Variants in PKD1L1 observed in about 807,000 individuals in gnomAD.
PKD1L1 encodes polycystin-1-like protein 1.
In PKD1L1, 236 loss-of-function variants were observed where a neutral mutation model predicts 323.4. The ratio of observed to expected loss-of-function variants is 0.73; its 90% confidence interval spans 0.66 to 0.81. The LOEUF is 0.81. Among genes scored for constraint, PKD1L1 ranks in the 40% least tolerant of loss-of-function variants. The pLI is 0.00. For synonymous variants in PKD1L1, 1,344 were observed against 1,335.0 expected (o/e 1.01, Z -0.15); for missense variants, 3,320 against 3,508.0 (o/e 0.95, Z 1.35).
chr7:47,839,592 AGCCTGGGGAAGGCCCAC>A lies in PKD1L1; in HGVS notation c.5606_5622del (p.Arg1869LeufsTer31). On this transcript the variant is annotated frameshift_variant, in exon 36 of 57. Transcript: ENST00000289672. LOFTEE classifies it high-confidence loss of function. This position sits in a 1 kb window ranked among gnomAD's most constrained non-coding sequence, Gnocchi z 4.3. ...TTCACCATCACGTGGCTGATGAACC[AGCCTGGGGAAGGCCCAC>A]GGCTGTCGTGCCAGAGGCGGATCTT... 1 of 1,599,440 alleles carries A rather than the reference AGCCTGGGGAAGGCCCAC, an allele frequency of 6.3e-7. No homozygotes were observed. The highest frequency in any genetic ancestry group is 2.3e-5 in the East Asian group (1 of 44,384).
chr7:47,860,619 T>C (rs973476439), intron 26 of PKD1L1, among the ~76,000 whole-genome samples: 1 of 152,188 alleles, frequency 6.6e-6, no homozygotes, highest in African/African-American at 2.4e-5. Context: ...ACCATGGATA[T>C]TAGGACTTAA....
chr7:47,959,182 C>G, the PKD1L1 span, among the ~76,000 whole-genome samples: 3 of 152,012 alleles, frequency 2.0e-5, no homozygotes, highest in African/African-American at 7.2e-5. Context: ...CAACCTCCAC[C>G]TCCCAGCCGC....
At chr7:47,959,760 C>G in the PKD1L1 span, among the ~76,000 whole-genome samples, 11 of 148,722 alleles carry the variant, frequency 7.4e-5, 1 homozygote, top group Non-Finnish European at 1.5e-4. Context: ...GGGTCAGCCC[C>G]CCGCCCGGCC....
intron 56 of PKD1L1, among the ~76,000 whole-genome samples, chr7:47,788,561 T>TTATATATATA (rs143159052): frequency 1.2e-3 from 162 of 133,174 alleles, no homozygotes; most frequent in Middle Eastern, 3.8e-3. Context: ...CCCAGCCCAG[T>TTATATATATA]TATATATATA....
Position 47,840,502 on chromosome 7 carries a change from C to A in PKD1L1, c.5511G>T (p.Lys1837Asn), listed in dbSNP as rs184211053. The change falls in exon 35 of 57, where the codon AAG becomes AAT. Residue 1837 changes from lysine to asparagine, a missense_variant. Physicochemically the swap from Lys to Asn is moderately conservative, Grantham distance 94 (BLOSUM62 0). Transcript: ENST00000289672. The surrounding 1 kb of genome is among the most constrained non-coding windows in gnomAD (Gnocchi z 4.1). ...SETKELSCPE[K>N]PLFERNSRHT... ...GTCTGGAATTCCTTTCAAACAGGGG[C>A]TTCTCTGGACAGGAGAGCTCCTTGG... 4 of 1,614,130 alleles carry A rather than the reference C, an allele frequency of 2.5e-6. No individual in the cohort carries two copies. In the Admixed American group the frequency reaches 5.0e-5, roughly 20 times the overall value.
rs576493557 is a variant in PKD1L1, at chr7:47,806,014, G to C, written c.7827+2233C>G. On this transcript the variant is annotated intron_variant, in intron 52 of 56. Transcript: ENST00000289672. Reference sequence around the variant, plus strand: ...TAGAAAGGATCCCCAGGGAAGAGGGGCTCTCCCCAGGTAAGTTTTTCTGGC... The same window carrying C: ...TAGAAAGGATCCCCAGGGAAGAGGGCCTCTCCCCAGGTAAGTTTTTCTGGC... 2.0e-5 allele frequency among the ~76,000 whole-genome samples: 3 copies of C among 152,304 alleles called. 1 individual carries two copies. The South Asian group carries it at 6.2e-4, about 32-fold the overall frequency.
chr7:47,907,684 C>T (rs989591660), intron 9 of PKD1L1, among the ~76,000 whole-genome samples: 1 of 152,194 alleles, frequency 6.6e-6, no homozygotes, highest in Non-Finnish European at 1.5e-5. Flanking sequence ...CCAGCCCGTG[C>T]TGCAAGGCTC....
At chr7:47,893,833 C>A in intron 15 of PKD1L1, 45 bp downstream of exon 15, 1 of 1,575,596 alleles carries the variant, frequency 6.3e-7, no homozygotes, top group Non-Finnish European at 8.6e-7. Flanking sequence ...TTGCAGAATG[C>A]GCGGTCTGAG....
chr7:47,925,570 A>T (rs1787641280), intron 7 of PKD1L1, among the ~76,000 whole-genome samples: 1 of 152,188 alleles, frequency 6.6e-6, no homozygotes, highest in Admixed American at 6.5e-5. Flanking sequence ...AGGGCATTCC[A>T]AAGTTAACCT....
chr7:47,904,394 T>G lies in PKD1L1; in HGVS notation c.1915A>C (p.Ser639Arg). ...GTGGCTCACCTACTGTAGACATGGC[T>G]GCTGGAGCTGCTCCCCAGGCTGACG... ...GTVSLGSSSSSHVYSREGEFT... is the reference protein window; with the variant it reads ...GTVSLGSSSSRHVYSREGEFT... Residue 639 changes from serine (S) to arginine (R), a missense_variant, in exon 12 of 57, where the codon AGC becomes CGC. Coordinates refer to ENST00000289672, the MANE Select transcript of PKD1L1 (RefSeq NM_138295.5). 6.2e-7 allele frequency: 1 copy of G among 1,614,072 alleles called. No homozygotes were observed. Among genetic ancestry groups the G allele is most frequent in the East Asian group, 2.2e-5 (1 of 44,880 alleles).
intron 8 of PKD1L1, among the ~76,000 whole-genome samples, chr7:47,911,619 CAG>C (rs1169354611): frequency 6.6e-6 from 1 of 152,096 alleles, no homozygotes; most frequent in Admixed American, 6.5e-5. Flanking sequence ...AAAAGGAAAA[CAG>C]TGAATAAAAA....
Position 47,886,871 on chromosome 7 carries a change from G to GT in PKD1L1, c.2837-818dup, listed in dbSNP as rs550594877. Among the ~76,000 whole-genome samples the GT allele has an allele frequency of 1.0e-3, 156 of 152,152 alleles. 1 individual carries two copies. The highest frequency in any genetic ancestry group is 1.5e-3 in the Non-Finnish European group (104 of 68,012). ...AATACAGCAAGTATCTAGTATAACAGTTTTCAAAACTGCTGTTAGAATTTA... is the reference window on the plus strand; with the variant it reads ...AATACAGCAAGTATCTAGTATAACAGTTTTTCAAAACTGCTGTTAGAATTTA... On this transcript the variant is annotated intron_variant, in intron 17 of 56. Transcript: ENST00000289672.
chr7:47,794,677 C>T lies in PKD1L1; in HGVS notation c.8355+1312G>A, dbSNP rs115474411. Among the ~76,000 whole-genome samples the T allele has an allele frequency of 6.0e-3, 909 of 152,248 alleles. 6 individuals carry two copies. Among genetic ancestry groups the T allele is most frequent in the African/African-American group, 0.021 (873 of 41,522 alleles). On this transcript the variant is annotated intron_variant, in intron 55 of 56. Coordinates refer to ENST00000289672, the MANE Select transcript of PKD1L1 (RefSeq NM_138295.5). ...ATGGTGGATCCTCTGACAACTTGCA[C>T]TGTGCACCTGGAAAAGCCACAGACA...
chr7:47,869,978 C>G (rs1419833847), intron 24 of PKD1L1, among the ~76,000 whole-genome samples: 1 of 151,912 alleles, frequency 6.6e-6, no homozygotes, highest in East Asian at 1.9e-4. Flanking sequence ...AAAACATACT[C>G]CTAAATATTA....
chr7:47,959,363 A>T, the PKD1L1 span, among the ~76,000 whole-genome samples: 1 of 137,860 alleles, frequency 7.3e-6, no homozygotes, highest in African/African-American at 2.8e-5. Context: ...CCGCCATCCC[A>T]TCTAGGAAGT....
chr7:47,899,753 A>G (rs367703658), intron 13 of PKD1L1, among the ~76,000 whole-genome samples: 52 of 152,226 alleles, frequency 3.4e-4, no homozygotes, highest in East Asian at 1.9e-3. Context: ...TCAGGAGATC[A>G]AGACCATCCT....
chr7:47,818,396 A>T (rs1035658616), intron 46 of PKD1L1, among the ~76,000 whole-genome samples: 2 of 152,256 alleles, frequency 1.3e-5, no homozygotes, highest in African/African-American at 4.8e-5. Context: ...ATTTATAGCA[A>T]CTAATATGAT....
In PKD1L1 at chr7:47,880,251, T is replaced by G. The variant is rs182633995; in HGVS notation, c.3520+477A>C. 1.5e-3 allele frequency among the ~76,000 whole-genome samples: 152 copies of G among 99,796 alleles called. 1 individual carries two copies. Among genetic ancestry groups the G allele is most frequent in the African/African-American group, 7.9e-3 (147 of 18,610 alleles). The allele number at this position is 99,796 out of a possible 152,430, so 65.5% of individuals were successfully genotyped here. Reference sequence around the variant, plus strand: ...GCAGTTGTCTAGCATAAATAAGATATATATATATATATACATATATATATA... The same window carrying G: ...GCAGTTGTCTAGCATAAATAAGATAGATATATATATATACATATATATATA... On this transcript the variant is annotated intron_variant, in intron 21 of 56. Coordinates refer to ENST00000289672, the MANE Select transcript of PKD1L1 (RefSeq NM_138295.5).
rs189031448 is a variant in PKD1L1, at chr7:47,861,830, A to T, written c.4150-2945T>A. On this transcript the variant is annotated intron_variant, in intron 26 of 56. Transcript: ENST00000289672. ...TGGGAGACAGAGCTTGCAGTGAGCC[A>T]AGCTTGCCCCACTACACTCCAGCCT... Among the ~76,000 whole-genome samples the T allele has an allele frequency of 1.0e-3, 139 of 137,864 alleles. 1 individual carries two copies. Among genetic ancestry groups the T allele is most frequent in the African/African-American group, 3.6e-3 (135 of 37,740 alleles). The allele number at this position is 137,864 out of a possible 152,430, so 90.4% of individuals were successfully genotyped here.
Sources: allele counts gnomAD v4.1 joint callset (sites outside exome capture counted in the v4.1 genomes callset), GRCh38; gene constraint gnomAD v4.1.1; non-coding constraint Gnocchi (gnomAD v3.1); transcripts MANE v1.5; gene names NCBI Gene and HGNC (gene_info 2026-07-23, HGNC 2026-07-21).